The following VCAN variants were observed in gnomAD, a reference collection of about 807,000 sequenced individuals.
The protein encoded by VCAN is versican, also known as versican core protein.
Under a neutral mutation model 245.5 loss-of-function variants are expected in VCAN, and 44 were observed. The ratio of observed to expected loss-of-function variants is 0.18; its 90% confidence interval spans 0.14 to 0.23. VCAN has a LOEUF of 0.23. Ranked by LOEUF, VCAN falls within the 10% of genes least tolerant of loss-of-function variation. The probability of loss-of-function intolerance (pLI) is 1.00; values close to 1 mark genes in which losing one functional copy is unlikely to be tolerated. For synonymous variants in VCAN, 1,413 were observed against 1,437.0 expected, an observed-to-expected ratio of 0.98 and a Z score of 0.38; for missense variants, 3,793 against 4,057.9, an observed-to-expected ratio of 0.93 and a Z score of 1.77.
At position 83,539,642 on chromosome 5, in the gene VCAN, T is replaced by C; in HGVS notation, c.6639T>C (p.Thr2213=). 6.2e-7 allele frequency: 1 copy of C among 1,614,012 alleles called. No individual in the cohort carries two copies. Among genetic ancestry groups the C allele is most frequent in the Non-Finnish European group, 8.5e-7 (1 of 1,180,006 alleles). Residue 2213 remains threonine (T), a synonymous_variant, in exon 8 of 15, where the codon ACT becomes ACC. Coordinates refer to ENST00000265077, the MANE Select transcript of VCAN (RefSeq NM_004385.5). ...SHFFLATALV[T]ESIPAEHVVT... ...TTTTCTTAGCTACTGCATTAGTAAC[T>C]GAATCTATACCAGCTGAACATGTAG... is the stretch of plus-strand genomic sequence containing the variant.
At chr5:83,579,782 A>G (rs1442133400) in intron 13 of VCAN, among the ~76,000 whole-genome samples, 198 bp from the exon 14 acceptor site, 1 of 152,200 alleles carries the variant, frequency 6.6e-6, no homozygotes, top group Non-Finnish European at 1.5e-5. Flanking sequence ...TCAAGATGGC[A>G]TAATCTGAGA....
chr5:83,474,373 G>T (rs888004447), intron 1 of VCAN, among the ~76,000 whole-genome samples: 6 of 152,134 alleles, frequency 3.9e-5, no homozygotes, highest in African/African-American at 1.4e-4. Flanking sequence ...TGAATTTCGA[G>T]ACTCGTTTTA....
chr5:83,480,986 A>C (rs1744593462), intron 1 of VCAN, among the ~76,000 whole-genome samples: 1 of 152,088 alleles, frequency 6.6e-6, no homozygotes, highest in Non-Finnish European at 1.5e-5. Flanking sequence ...CACTTCGGTA[A>C]GTACTAATTT....
At chr5:83,475,230 C>T (rs1744345523) in intron 1 of VCAN, among the ~76,000 whole-genome samples, 1 of 152,114 alleles carries the variant, frequency 6.6e-6, no homozygotes, top group Non-Finnish European at 1.5e-5. Context: ...AAGCTCAGCA[C>T]CTATTTAGGG....
chr5:83,576,530 G>A (rs1237117721), intron 13 of VCAN, among the ~76,000 whole-genome samples: 1 of 152,068 alleles, frequency 6.6e-6, no homozygotes, highest in Admixed American at 6.5e-5. Flanking sequence ...GTTTCTATGA[G>A]CATTCTTGAA....
At position 83,493,794 on chromosome 5, in the gene VCAN, A is replaced by G. The variant is rs747890581; in HGVS notation, c.621-10A>G. 1.9e-6 allele frequency: 3 copies of G among 1,614,098 alleles called. No homozygotes were observed. The highest frequency in any genetic ancestry group is 2.2e-5 in the South Asian group (2 of 91,076). On this transcript the variant is annotated splice_polypyrimidine_tract_variant and intron_variant, in intron 4 of 14. Transcript: ENST00000265077. ...AGAAAGTGCCACTAACTAGCCATTT[A>G]TTTCCCCAGATATCCCATCCGGGCT...
chr5:83,536,276 T>C (rs1181149498), intron 7 of VCAN: 3 of 152,170 alleles, frequency 2.0e-5, no homozygotes, highest in African/African-American at 7.2e-5. Context: ...TGGAAGGCTC[T>C]TTCTGGTCCT....
chr5:83,489,823 T>A (rs1580602023), intron 2 of VCAN, among the ~76,000 whole-genome samples: 4 of 148,152 alleles, frequency 2.7e-5, no homozygotes, highest in South Asian at 4.2e-4. Context: ...TTTTTTTTTT[T>A]ATCACTTATT....
chr5:83,483,112 G>C lies in VCAN; in HGVS notation c.-6-401G>C, dbSNP rs569888663. ...TCTCTTGCTCTATTTATGATCAGCT[G>C]TCTGTTTCTAAATAGACTTTGTGGT... is the stretch of plus-strand genomic sequence containing the variant. On this transcript the variant is annotated intron_variant, in intron 1 of 14. Transcript: ENST00000265077. Among the ~76,000 whole-genome samples, 4 of 152,242 alleles carry C rather than the reference G, an allele frequency of 2.6e-5. No individual in the cohort carries two copies. The East Asian group carries it at 7.7e-4, about 29-fold the overall frequency.
At chr5:83,486,428 C>T (rs1280433118) in intron 2 of VCAN, among the ~76,000 whole-genome samples, 2 of 152,124 alleles carry the variant, frequency 1.3e-5, no homozygotes, top group Non-Finnish European at 2.9e-5. Flanking sequence ...ATCATGAAGA[C>T]ATGCTAATCA....
At chr5:83,578,310 A>G (rs1196439045) in intron 13 of VCAN, among the ~76,000 whole-genome samples, 1 of 152,040 alleles carries the variant, frequency 6.6e-6, no homozygotes, top group East Asian at 1.9e-4. Flanking sequence ...AGAGGGGAAA[A>G]ACAGACACTG....
chr5:83,564,220 A>G (rs1445452601), intron 12 of VCAN, among the ~76,000 whole-genome samples: 1 of 152,142 alleles, frequency 6.6e-6, no homozygotes, highest in Non-Finnish European at 1.5e-5. Context: ...CACATGGAGT[A>G]CATAATTACG....
At position 83,538,959 on chromosome 5, in the gene VCAN, T is replaced by C. The variant is rs767194136; in HGVS notation, c.5956T>C (p.Ser1986Pro). 6.2e-7 allele frequency: 1 copy of C among 1,614,004 alleles called. No individual in the cohort carries two copies. The highest frequency in any genetic ancestry group is 8.5e-7 in the Non-Finnish European group (1 of 1,179,972). The change falls in exon 8 of 15, where the codon TCA becomes CCA. Residue 1986 changes from serine (S) to proline (P), a missense_variant. Around this residue, in one of 5 missense-constraint regions of VCAN, gnomAD observed 3,182 missense variants for 3,250.3 expected, o/e 0.98. Transcript: ENST00000265077. The stretch of plus-strand genomic sequence containing the variant: ...AGTTCACATCAGTCACATATCTGAC[T>C]CAGAAGGACCCAGTAGCACCATGGT... ...TSVHISHISD[S>P]EGPSSTMVST...
At chr5:83,552,186 G>A (rs1293321489) in intron 10 of VCAN, among the ~76,000 whole-genome samples, 1 of 152,198 alleles carries the variant, frequency 6.6e-6, no homozygotes, top group Non-Finnish European at 1.5e-5. Flanking sequence ...ATAGAAAGAG[G>A]AGTAACAGGA....
rs370043936 is a variant in VCAN, at chr5:83,497,443, A to G, written c.748+3512A>G. On this transcript the variant is annotated intron_variant, in intron 5 of 14. Transcript: ENST00000265077. Reference sequence around the variant, plus strand: ...TAACAGTTATGCATATTCAATGAATATTCAATTCTGCTTTTCAAAATAACC... The same window carrying G: ...TAACAGTTATGCATATTCAATGAATGTTCAATTCTGCTTTTCAAAATAACC... Among the ~76,000 whole-genome samples, 8 of 152,314 alleles carry G rather than the reference A, an allele frequency of 5.3e-5. No individual in the cohort carries two copies. The East Asian group carries it at 1.5e-3, about 29-fold the overall frequency.
chr5:83,528,348 A>G (rs894977321), intron 7 of VCAN, among the ~76,000 whole-genome samples: 1 of 152,158 alleles, frequency 6.6e-6, no homozygotes. Context: ...TTGCTTCCCA[A>G]CTTAGGCTCA....
Position 83,490,076 on chromosome 5 carries a change from TGTTA to T in VCAN, c.71-21_71-18del. ...TTTGGGTTTTTTAAGATTGTTAATT[TGTTA>T]TTTTCTCTTTCCTCTAGTCAAAGTG... is the stretch of plus-strand genomic sequence containing the variant. On this transcript the variant is annotated intron_variant, in intron 2 of 14. Transcript: ENST00000265077. 6.2e-7 allele frequency: 1 copy of T among 1,613,108 alleles called. No individual in the cohort carries two copies. Among genetic ancestry groups the T allele is most frequent in the South Asian group, 1.1e-5 (1 of 91,080 alleles).
chr5:83,514,292 T>A (rs1275563922), intron 6 of VCAN, among the ~76,000 whole-genome samples: 1 of 152,156 alleles, frequency 6.6e-6, no homozygotes, highest in Non-Finnish European at 1.5e-5. Context: ...ACTTAAGACG[T>A]TATTATATTC....
chr5:83,488,714 GTC>G (rs2112350881), intron 2 of VCAN, among the ~76,000 whole-genome samples: 2 of 152,252 alleles, frequency 1.3e-5, no homozygotes, highest in Non-Finnish European at 2.9e-5. Context: ...AGTGCCTTAA[GTC>G]TGCTTTGGAT....
Sources: gnomAD v4.1 joint callset for allele counts (sites outside exome capture counted in the v4.1 genomes callset) on GRCh38, gnomAD v4.1.1 for gene constraint, gnomAD v4.1.1 regional missense constraint, MANE v1.5 for transcripts, NCBI Gene and HGNC (gene_info 2026-07-23, HGNC 2026-07-21) for gene names.